Variants in COX7A2 observed in about 807,000 individuals in gnomAD.
The protein encoded by COX7A2 is cytochrome c oxidase subunit 7A2, mitochondrial.
Under a neutral mutation model 11.6 loss-of-function variants are expected in COX7A2, and 11 were observed. That is an observed-to-expected ratio of 0.95 (90% CI 0.60 to 1.57). The LOEUF (loss-of-function observed/expected upper bound fraction) is 1.57, where lower values mean the gene tolerates loss of function less well. Ranked by LOEUF, COX7A2 falls within the 40% of genes most tolerant of loss-of-function variation. COX7A2 has a pLI of 0.00. For missense variants in COX7A2, 106 were observed against 100.9 expected (o/e 1.05, Z -0.22); for synonymous variants, 30 against 38.2 (o/e 0.78, Z 0.79).
intron 3 of COX7A2, among the ~76,000 whole-genome samples, chr6:75,238,488 A>C (rs1198035112): frequency 6.6e-6 from 1 of 151,892 alleles, no homozygotes; most frequent in African/African-American, 2.4e-5. Context: ...CGGGCGGATC[A>C]CCTGAGGTCA....
intron 1 of COX7A2, among the ~76,000 whole-genome samples, chr6:75,241,593 A>T (rs1771501924): frequency 6.6e-6 from 1 of 152,218 alleles, no homozygotes; most frequent in Admixed American, 6.5e-5. Flanking sequence ...CACATATTAC[A>T]AAAATAGTGC....
chr6:75,249,441 T>C (rs1328340640), intron 1 of COX7A2, among the ~76,000 whole-genome samples: 1 of 152,228 alleles, frequency 6.6e-6, no homozygotes, highest in South Asian at 2.1e-4. Context: ...GTCAGACAGA[T>C]CCTGAATCTG....
chr6:75,242,214 C>G (rs773615103), intron 1 of COX7A2, among the ~76,000 whole-genome samples: 1 of 149,764 alleles, frequency 6.7e-6, no homozygotes, highest in Non-Finnish European at 1.5e-5. Flanking sequence ...AAAAAAAAAT[C>G]TGTTACTTGG....
chr6:75,243,921 T>A, upstream of COX7A2: 1 of 1,167,450 alleles, frequency 8.6e-7, no homozygotes, highest in Non-Finnish European at 1.2e-6. Flanking sequence ...TACGGCTCTA[T>A]CCGCTCTAGC....
At chr6:75,246,634 T>C (rs954404216), upstream of COX7A2, among the ~76,000 whole-genome samples, 11 of 152,170 alleles carry the variant, frequency 7.2e-5, no homozygotes, top group African/African-American at 2.4e-4. Context: ...ACATAGAAAA[T>C]GCTCAATATA....
intron 1 of COX7A2, among the ~76,000 whole-genome samples, chr6:75,242,358 T>C (rs1201009381): frequency 6.6e-6 from 1 of 151,574 alleles, no homozygotes; most frequent in African/African-American, 2.4e-5. Context: ...ACACAAAAAT[T>C]AGCTGGGCAT....
intron 1 of COX7A2, among the ~76,000 whole-genome samples, chr6:75,248,880 T>C (rs565534996): frequency 2.6e-4 from 39 of 152,266 alleles, no homozygotes; most frequent in African/African-American, 8.9e-4. Flanking sequence ...GATGCAGACA[T>C]AAATGACTCT....
chr6:75,249,040 G>A (rs1771739969), intron 1 of COX7A2, among the ~76,000 whole-genome samples: 4 of 152,124 alleles, frequency 2.6e-5, no homozygotes, highest in South Asian at 4.1e-4. Context: ...GGCAGATCAC[G>A]AGGTCAAGAG....
chr6:75,245,142 A>G (rs928700878), upstream of COX7A2, among the ~76,000 whole-genome samples: 1 of 152,210 alleles, frequency 6.6e-6, no homozygotes, highest in African/African-American at 2.4e-5. Flanking sequence ...GTATTAACCA[A>G]TACATCAATT....
chr6:75,246,486 G>A (rs1279292387), upstream of COX7A2, among the ~76,000 whole-genome samples: 1 of 152,090 alleles, frequency 6.6e-6, no homozygotes, highest in Non-Finnish European at 1.5e-5. Context: ...CCTTTTTAAC[G>A]GGTTTCCCTG....
At chr6:75,238,601 G>A (rs1771389369) in intron 3 of COX7A2, among the ~76,000 whole-genome samples, 1 of 149,258 alleles carries the variant, frequency 6.7e-6, no homozygotes, top group South Asian at 2.2e-4. Context: ...CTACTTGGGA[G>A]GCTGAGGCAG....
At chr6:75,241,319 C>T (rs773407424) in intron 1 of COX7A2, 54 bp from the exon 2 acceptor site, 6 of 1,386,930 alleles carry the variant, frequency 4.3e-6, no homozygotes, top group Non-Finnish European at 5.8e-6. Context: ...CCTTCAAAAC[C>T]AACTATTTTC....
intron 2 of COX7A2, 21 bp downstream of exon 2, chr6:75,241,155 T>A (rs1259591917): frequency 1.9e-6 from 3 of 1,586,538 alleles, no homozygotes; most frequent in Non-Finnish European, 2.6e-6. Flanking sequence ...AAGTAACATC[T>A]CCTATAAAAT....
In COX7A2 at chr6:75,243,746, C is replaced by A. The variant is rs1294824966; in HGVS notation, c.-12G>T. The A allele has an allele frequency of 6.2e-7, 1 of 1,613,878 alleles. No individual in the cohort carries two copies. The highest frequency in any genetic ancestry group is 1.3e-5 in the African/African-American group (1 of 74,928). On this transcript the variant is annotated 5_prime_UTR_variant, in exon 1 of 4. Transcript: ENST00000684430. ...AGATTCCGCAGCATCTTGGCTGTTACTGACCAGCAACCGCCACAACTGAAC... is the reference window on the plus strand; with the variant it reads ...AGATTCCGCAGCATCTTGGCTGTTAATGACCAGCAACCGCCACAACTGAAC...
intron 3 of COX7A2, 40 bp downstream of exon 3, chr6:75,240,261 T>C: frequency 7.0e-7 from 1 of 1,423,506 alleles, no homozygotes; most frequent in Non-Finnish European, 9.8e-7. Context: ...ATCATTACTA[T>C]TACTTTTCTA....
At chr6:75,238,872 G>C (rs185386007) in intron 3 of COX7A2, among the ~76,000 whole-genome samples, 9 of 151,754 alleles carry the variant, frequency 5.9e-5, no homozygotes, top group Admixed American at 5.9e-4. Context: ...CTGGAGTGCA[G>C]TGACACAATC....
In COX7A2 at chr6:75,243,762, A is replaced by G. The variant is rs766079388; in HGVS notation, c.-28T>C. 1.2e-6 allele frequency: 2 copies of G among 1,614,100 alleles called. No individual in the cohort carries two copies. Among genetic ancestry groups the G allele is most frequent in the East Asian group, 2.2e-5 (1 of 44,882 alleles). Reference sequence around the variant, plus strand: ...TGGCTGTTACTGACCAGCAACCGCCACAACTGAACACCACCAACGAAAATG... The same window carrying G: ...TGGCTGTTACTGACCAGCAACCGCCGCAACTGAACACCACCAACGAAAATG... On this transcript the variant is annotated 5_prime_UTR_variant, in exon 1 of 4. Coordinates refer to ENST00000684430, the MANE Select transcript of COX7A2 (RefSeq NM_001366293.2).
intron 1 of COX7A2, among the ~76,000 whole-genome samples, chr6:75,248,940 T>C (rs1295390938): frequency 1.3e-5 from 2 of 152,130 alleles, no homozygotes; most frequent in African/African-American, 4.8e-5. Context: ...AAGAAACTAG[T>C]GGGCTAAGGT....
chr6:75,248,442 A>C (rs944132138), upstream of COX7A2, among the ~76,000 whole-genome samples: 1 of 152,212 alleles, frequency 6.6e-6, no homozygotes, highest in Non-Finnish European at 1.5e-5. Context: ...AGATCTTCAG[A>C]TAAACTCAAT....
Sources: gnomAD v4.1 joint callset for allele counts (sites outside exome capture counted in the v4.1 genomes callset) on GRCh38, gnomAD v4.1.1 for gene constraint, MANE v1.5 for transcripts, NCBI Gene and HGNC (gene_info 2026-07-23, HGNC 2026-07-21) for gene names.